GALC: variants seen among roughly 807,000 people sequenced by gnomAD.
GALC encodes galactosylceramidase, also known as galactocerebrosidase.
In GALC, 77 loss-of-function variants were observed where a neutral mutation model predicts 91.8. That is an observed-to-expected ratio of 0.84 (90% CI 0.70 to 1.01). GALC has a LOEUF of 1.01. Among genes scored for constraint, GALC ranks in the 50% least tolerant of loss-of-function variants. The pLI, the probability that GALC is intolerant of heterozygous loss-of-function variation, is 0.00. For missense variants in GALC, 882 were observed against 855.9 expected (o/e 1.03, Z -0.38); for synonymous variants, 357 against 306.7 (o/e 1.16, Z -1.71).
intron 1 of GALC, chr14:87,992,454 C>G (rs900991753): frequency 1.3e-6 from 2 of 1,514,238 alleles, no homozygotes; most frequent in Non-Finnish European, 1.8e-6. Context: ...TGGAGGAGCC[C>G]ATTCTTACCC....
At chr14:87,954,393 T>A in intron 10 of GALC, 1 of 1,599,568 alleles carries the variant, frequency 6.3e-7, no homozygotes, top group Non-Finnish European at 8.6e-7. Flanking sequence ...CAACATTATG[T>A]GCTTGTATTA....
At chr14:87,938,384 G>T (rs1014137954) in intron 16 of GALC, among the ~76,000 whole-genome samples, 1 of 151,994 alleles carries the variant, frequency 6.6e-6, no homozygotes, top group Non-Finnish European at 1.5e-5. Context: ...AGAAAACTCT[G>T]AAGGAAGCAA....
chr14:87,966,989 G>A (rs1886082095), intron 8 of GALC, among the ~76,000 whole-genome samples: 1 of 152,154 alleles, frequency 6.6e-6, no homozygotes, highest in South Asian at 2.1e-4. Context: ...AGAATACCAG[G>A]AGCCTTCCCT....
intron 1 of GALC, 94 bp downstream of exon 1, chr14:87,992,876 G>A (rs549325344): frequency 2.1e-6 from 3 of 1,409,740 alleles, no homozygotes; most frequent in East Asian, 5.7e-5. Flanking sequence ...TGGAGCCGGT[G>A]GAAACGCAGG....
intron 4 of GALC, among the ~76,000 whole-genome samples, chr14:87,984,894 T>C (rs1277416269): frequency 6.6e-6 from 1 of 152,120 alleles, no homozygotes; most frequent in East Asian, 1.9e-4. Context: ...TCAACTTCTG[T>C]TCTTTGAGGT....
At chr14:87,992,289 C>A (rs1171750828) in intron 1 of GALC, 15 of 1,535,534 alleles carry the variant, frequency 9.8e-6, no homozygotes, top group Non-Finnish European at 1.3e-5. Context: ...AACCAAAAAA[C>A]AAAAACCTTC....
intron 7 of GALC, among the ~76,000 whole-genome samples, chr14:87,970,741 T>C (rs936275531): frequency 1.3e-5 from 2 of 150,536 alleles, no homozygotes; most frequent in African/African-American, 2.4e-5. Flanking sequence ...TGGAGGTGTG[T>C]GCCTGTAGTC....
At chr14:87,960,174 G>T (rs8015102) in intron 10 of GALC, among the ~76,000 whole-genome samples, 16,101 of 150,548 alleles carry the variant, frequency 0.11, 663 homozygotes, top group African/African-American at 0.19. Context: ...CGGTCAACGG[G>T]TACAAAGTAA....
rs1397626290 is a variant in GALC, at chr14:87,993,138, G to A, written c.27C>T (p.Ser9=). 3.2e-6 allele frequency: 5 copies of A among 1,584,294 alleles called. No individual in the cohort carries two copies. Among genetic ancestry groups the A allele is most frequent in the Non-Finnish European group, 4.3e-6 (5 of 1,166,420 alleles). MAEWLLSA[S]WQRRAKAMTA... is the part of the protein sequence containing the mutation. ...TCATAGCTTTCGCTCGGCGTTGCCAGGAAGCCGAGAGTAGCCACTCAGCCA... is the reference window on the plus strand; with the variant it reads ...TCATAGCTTTCGCTCGGCGTTGCCAAGAAGCCGAGAGTAGCCACTCAGCCA... Residue 9 remains serine (S), a synonymous_variant, in exon 1 of 17, where the codon TCC becomes TCT. Transcript: ENST00000261304.
At chr14:87,941,125 A>T (rs1389851950) in intron 15 of GALC, among the ~76,000 whole-genome samples, 3 of 151,866 alleles carry the variant, frequency 2.0e-5, no homozygotes, top group African/African-American at 7.3e-5. Flanking sequence ...TATCTATGCA[A>T]ATCCTATCCT....
chr14:87,990,466 A>G (rs1043581644), intron 1 of GALC, among the ~76,000 whole-genome samples: 3 of 152,228 alleles, frequency 2.0e-5, no homozygotes, highest in Non-Finnish European at 4.4e-5. Context: ...AGTTCTCAAT[A>G]AAGGCAAGTG....
chr14:87,948,210 A>T (rs1384015295), intron 12 of GALC, among the ~76,000 whole-genome samples: 9 of 152,050 alleles, frequency 5.9e-5, no homozygotes, highest in Non-Finnish European at 7.4e-5. Flanking sequence ...CGATACATGC[A>T]ACTAAGAGAC....
At chr14:87,937,782 C>T (rs1460590080) in intron 16 of GALC, among the ~76,000 whole-genome samples, 1 of 151,328 alleles carries the variant, frequency 6.6e-6, no homozygotes, top group African/African-American at 2.4e-5. Flanking sequence ...TTCATGATTT[C>T]AAAAAAACTC....
chr14:87,939,579 T>A (rs1884743764), intron 16 of GALC, among the ~76,000 whole-genome samples: 1 of 151,920 alleles, frequency 6.6e-6, no homozygotes, highest in Non-Finnish European at 1.5e-5. Context: ...CTTACATCTA[T>A]AAGCTCCATG....
At chr14:87,954,258 C>T in intron 10 of GALC, 1 of 1,534,290 alleles carries the variant, frequency 6.5e-7, no homozygotes, top group Non-Finnish European at 9.0e-7. Context: ...GGAGCACCTT[C>T]AGCCTGATGT....
At chr14:87,980,153 CG>C (rs1886676245) in intron 6 of GALC, among the ~76,000 whole-genome samples, 1 of 152,054 alleles carries the variant, frequency 6.6e-6, no homozygotes, top group Non-Finnish European at 1.5e-5. Flanking sequence ...GAGGCCGAGG[CG>C]GGCGGATCAC....
intron 1 of GALC, 43 bp downstream of exon 1, chr14:87,992,927 G>A: frequency 6.7e-7 from 1 of 1,492,560 alleles, no homozygotes; most frequent in Non-Finnish European, 8.9e-7. Context: ...CCACGGGGCG[G>A]GCTCTTGCCG....
chr14:87,954,851 G>A, intron 10 of GALC: 1 of 1,606,256 alleles, frequency 6.2e-7, no homozygotes, highest in South Asian at 1.1e-5. Context: ...CAATGTTTTA[G>A]CTGCTTGCCA....
At chr14:87,952,856 A>G in intron 10 of GALC, 5 of 1,162,248 alleles carry the variant, frequency 4.3e-6, no homozygotes, top group Non-Finnish European at 6.4e-6. Context: ...ATATGCAAAT[A>G]TGTGGATTTG....
Sources: gnomAD v4.1 joint callset for allele counts (sites outside exome capture counted in the v4.1 genomes callset) on GRCh38, gnomAD v4.1.1 for gene constraint, MANE v1.5 for transcripts, NCBI Gene and HGNC (gene_info 2026-07-23, HGNC 2026-07-21) for gene names.